The following NAA15 variants were observed in gnomAD, a reference collection of about 807,000 sequenced individuals.
NAA15 encodes N-alpha-acetyltransferase 15, NatA auxiliary subunit.
In NAA15, 34 loss-of-function variants were observed where a neutral mutation model predicts 114.0. The ratio of observed to expected loss-of-function variants is 0.30; its 90% CI spans 0.23 to 0.40. The LOEUF (loss-of-function observed/expected upper bound fraction) is 0.40. NAA15 is among the 10% of genes least tolerant of loss of function. The pLI, the probability that NAA15 is intolerant of heterozygous loss-of-function variation, is 1.00. For synonymous variants in NAA15, 340 were observed against 338.0 expected (o/e 1.01, Z -0.06); for missense variants, 658 against 1,004.5 (o/e 0.66, Z 4.66).
rs1747988372 is a variant in NAA15 at position 139,357,288 on chromosome 4, A to G, written c.1088-98A>G. ...CTAGATACATAAATAAACTCCTTTC[A>G]TAGTACCTCCCTTGTTAATAAACAT... On this transcript the variant is annotated intron_variant, in intron 10 of 19. Coordinates refer to ENST00000296543, the MANE Select transcript of NAA15 (RefSeq NM_057175.5). The G allele has an allele frequency of 6.1e-6, 6 of 987,756 alleles. No homozygotes were observed. The South Asian group carries it at 8.6e-5, about 14-fold the overall frequency. 61.2% of individuals were successfully genotyped at this position (987,756 alleles called of 1,614,324 possible).
In NAA15 at chr4:139,388,840, A is replaced by G. The variant is rs1375510526; in HGVS notation, c.*756A>G. ...CAAACCTTTCAGCATTGTTTGGCCAAACTTGTTAAAACTGTAATGCAAGAA... is the reference window on the plus strand; with the variant it reads ...CAAACCTTTCAGCATTGTTTGGCCAGACTTGTTAAAACTGTAATGCAAGAA... On this transcript the variant is annotated 3_prime_UTR_variant, in exon 20 of 20. Transcript: ENST00000296543. 1.3e-5 allele frequency: 2 copies of G among 152,598 alleles called. No homozygotes were observed. Among genetic ancestry groups the G allele is most frequent in the Admixed American group, 6.5e-5 (1 of 15,276 alleles). The allele number at this position is 152,598 out of a possible 1,614,324, so 9.5% of individuals were successfully genotyped here. A position where few individuals can be genotyped will look rare whatever the true frequency, so the allele number is the denominator to read the frequency against.
intron 11 of NAA15, among the ~76,000 whole-genome samples, 174 bp from the exon 12 acceptor site, chr4:139,359,569 G>A: frequency 6.6e-6 from 1 of 152,232 alleles, no homozygotes; most frequent in East Asian, 1.9e-4. Context: ...CTGGAAAAAG[G>A]AATCAGAACT....
rs202204424 is a variant in NAA15, at chr4:139,360,513, C to T, written c.1424C>T (p.Ala475Val). The change falls in exon 13 of 20, where the codon GCG becomes GTG. Residue 475 changes from alanine (A) to valine (V), a missense_variant. Coordinates refer to ENST00000296543, the MANE Select transcript of NAA15 (RefSeq NM_057175.5). ...CSKFTREGTS[A>V]VENLNEMQCM... ...ATTTCTGTATAGGAAGGAACATCAG[C>T]GGTAGAGAATTTGAATGAAATGCAG... is the stretch of plus-strand genomic sequence containing the variant. The T allele has an allele frequency of 3.1e-6, 5 of 1,587,652 alleles. No individual in the cohort carries two copies. Among genetic ancestry groups the T allele is most frequent in the Middle Eastern group, 3.4e-4 (2 of 5,956 alleles).
At chr4:139,353,024 G>A (rs1747832014) in intron 9 of NAA15, among the ~76,000 whole-genome samples, 2 of 151,700 alleles carry the variant, frequency 1.3e-5, no homozygotes, top group Admixed American at 1.3e-4. Flanking sequence ...TTTATGAAGT[G>A]GTCTTATGTA....
Position 139,361,768 on chromosome 4 carries a change from C to T in NAA15, c.1584C>T (p.Tyr528=), listed in dbSNP as rs753909626. 4.4e-6 allele frequency: 7 copies of T among 1,608,596 alleles called. No homozygotes were observed. The highest frequency in any genetic ancestry group is 6.0e-6 in the Non-Finnish European group (7 of 1,176,394). Residue 528 remains tyrosine (Y), a synonymous_variant, in exon 14 of 20, where the codon TAC becomes TAT. Coordinates refer to ENST00000296543, the MANE Select transcript of NAA15 (RefSeq NM_057175.5). ...ATGACCAGTTTGACTTTCATACATA[C>T]TGTATGAGGAAGATTACCCTTAGAT... ...ITDDQFDFHT[Y]CMRKITLRSY...
At chr4:139,382,272 A>T (rs951786191) in intron 17 of NAA15, among the ~76,000 whole-genome samples, 2 of 152,122 alleles carry the variant, frequency 1.3e-5, no homozygotes, top group African/African-American at 2.4e-5. Context: ...TGTAATTTCC[A>T]GGAAAATATC....
intron 6 of NAA15, among the ~76,000 whole-genome samples, chr4:139,346,477 T>C (rs888491443): frequency 9.2e-5 from 14 of 151,872 alleles, no homozygotes; most frequent in Non-Finnish European, 1.8e-4. Context: ...GGATAGTTGG[T>C]GGGAGAAGAT....
Position 139,322,735 on chromosome 4 carries a change from A to G in NAA15, c.55-11439A>G, listed in dbSNP as rs138408667. On this transcript the variant is annotated intron_variant, in intron 1 of 19. Transcript: ENST00000296543. ...GAGACGGAGTCTTGCTCTGTTGCCC[A>G]GGCTGGAGTGCAATAGGGCAATTTT... Among the ~76,000 whole-genome samples, 144 of 152,316 alleles carry G rather than the reference A, an allele frequency of 9.5e-4. 1 individual carries two copies. The highest frequency in any genetic ancestry group is 3.3e-3 in the African/African-American group (137 of 41,570).
intron 1 of NAA15, among the ~76,000 whole-genome samples, chr4:139,307,303 C>CT (rs1746054836): frequency 6.6e-6 from 1 of 152,218 alleles, no homozygotes. Context: ...GGGTCTAACT[C>CT]TATCACACAG....
intron 4 of NAA15, 141 bp downstream of exon 4, chr4:139,341,210 G>C (rs1298970463): frequency 5.3e-6 from 3 of 563,580 alleles, no homozygotes; most frequent in Non-Finnish European, 8.5e-6. Flanking sequence ...CAGTGGTTAT[G>C]TTTATGATTG....
At chr4:139,345,149 A>G (rs999732397) in intron 6 of NAA15, among the ~76,000 whole-genome samples, 2 of 152,248 alleles carry the variant, frequency 1.3e-5, no homozygotes, top group Non-Finnish European at 2.9e-5. Context: ...CATAATAGGT[A>G]TAGCCATTGT....
rs1323914117 is a variant in NAA15, at chr4:139,389,512, A to T, written c.*1428A>T. On this transcript the variant is annotated 3_prime_UTR_variant, in exon 20 of 20. Coordinates refer to ENST00000296543, the MANE Select transcript of NAA15 (RefSeq NM_057175.5). ...AATGCTGCTCCTGCATTAAGATTTC[A>T]TTGAGGGCAAGGCTGGTGGCAGGTA... The T allele has an allele frequency of 7.9e-5, 12 of 152,652 alleles. No homozygotes were observed. Among genetic ancestry groups the T allele is most frequent in the Admixed American group, 7.9e-4 (12 of 15,280 alleles). 9.5% of individuals were successfully genotyped at this position (152,652 alleles called of 1,614,324 possible).
At chr4:139,349,343 TCCA>T (rs1304051376) in intron 6 of NAA15, 116 bp from the exon 7 acceptor site, 1 of 829,100 alleles carries the variant, frequency 1.2e-6, no homozygotes, top group East Asian at 2.9e-5. Context: ...ACCAGGTCCA[TCCA>T]CTTAGCAGCA....
At chr4:139,320,969 G>A (rs886918288) in intron 1 of NAA15, among the ~76,000 whole-genome samples, 1 of 152,122 alleles carries the variant, frequency 6.6e-6, no homozygotes, top group South Asian at 2.1e-4. Flanking sequence ...TTTATCCTCT[G>A]GCTAGAAAGC....
intron 16 of NAA15, among the ~76,000 whole-genome samples, chr4:139,376,956 G>C (rs1245252982): frequency 1.3e-5 from 2 of 152,288 alleles, no homozygotes; most frequent in East Asian, 3.9e-4. Context: ...TGTAAATAAT[G>C]TTGAGGTTGT....
At chr4:139,338,522 A>G (rs1202008935) in intron 3 of NAA15, among the ~76,000 whole-genome samples, 1 of 152,082 alleles carries the variant, frequency 6.6e-6, no homozygotes, top group Non-Finnish European at 1.5e-5. Context: ...ATCTCAGCTC[A>G]CTGCAACCTC....
At chr4:139,386,441 A>T in intron 19 of NAA15, 1 of 396,148 alleles carries the variant, frequency 2.5e-6, no homozygotes, top group Non-Finnish European at 4.5e-6. Context: ...ATGTTTTAAT[A>T]AAATCATATA....
intron 1 of NAA15, among the ~76,000 whole-genome samples, chr4:139,306,603 T>TTTTTTTG (rs1019664192): frequency 1.1e-4 from 17 of 148,556 alleles, no homozygotes; most frequent in African/African-American, 4.0e-4. Flanking sequence ...TCTGGTTTTT[T>TTTTTTTG]TTTTGTTTTG....
In NAA15 at chr4:139,348,820, T is replaced by C. The variant is rs547684596; in HGVS notation, c.692-642T>C. Reference sequence around the variant, plus strand: ...ATTGATTTTTGATAATTGGGGCTGCTAATATCATTCAGGGATGATGTGATT... The same window carrying C: ...ATTGATTTTTGATAATTGGGGCTGCCAATATCATTCAGGGATGATGTGATT... On this transcript the variant is annotated intron_variant, in intron 6 of 19. Transcript: ENST00000296543. 5.3e-5 allele frequency among the ~76,000 whole-genome samples: 8 copies of C among 152,340 alleles called. No homozygotes were observed. In the East Asian group the frequency reaches 1.3e-3, roughly 26 times the overall value.
Sources: allele counts gnomAD v4.1 joint callset (sites outside exome capture counted in the v4.1 genomes callset), GRCh38; gene constraint gnomAD v4.1.1; transcripts MANE v1.5; gene names NCBI Gene and HGNC (gene_info 2026-07-23, HGNC 2026-07-21).